The following STK39 variants were observed in gnomAD, a reference collection of about 807,000 sequenced individuals.
The protein encoded by STK39 is serine/threonine kinase 39.
In STK39, 20 loss-of-function variants were observed where a neutral mutation model predicts 77.8. The observed-to-expected ratio is 0.26, with a 90% CI of 0.18 to 0.37. The LOEUF (loss-of-function observed/expected upper bound fraction) is 0.37, where lower values mean the gene tolerates loss of function less well. STK39 is among the 10% of genes least tolerant of loss of function. The pLI is 1.00. For missense variants in STK39, 479 were observed against 656.5 expected (o/e 0.73, Z 2.95); for synonymous variants, 246 against 234.1 (o/e 1.05, Z -0.47).
chr2:168,243,481 A>C (rs1367440854), intron 1 of STK39, among the ~76,000 whole-genome samples: 1 of 152,232 alleles, frequency 6.6e-6, no homozygotes, highest in Non-Finnish European at 1.5e-5. Context: ...TGTTACTTTT[A>C]GGTCATTCTA....
At chr2:168,155,568 C>T (rs1313952813) in intron 5 of STK39, among the ~76,000 whole-genome samples, 2 of 151,878 alleles carry the variant, frequency 1.3e-5, no homozygotes, top group Non-Finnish European at 2.9e-5. Context: ...TGCACCCCCC[C>T]CACCCCAACA....
At chr2:168,095,021 T>C (rs759320575) in intron 10 of STK39, among the ~76,000 whole-genome samples, 2 of 152,202 alleles carry the variant, frequency 1.3e-5, no homozygotes, top group Non-Finnish European at 2.9e-5. Flanking sequence ...AGCACTTCAA[T>C]GTCACTTGTC....
At chr2:168,084,849 A>G (rs1333948500) in intron 10 of STK39, among the ~76,000 whole-genome samples, 2 of 152,236 alleles carry the variant, frequency 1.3e-5, no homozygotes, top group South Asian at 2.1e-4. Flanking sequence ...ACAACCTTTT[A>G]AGAATTCAGA....
chr2:167,965,484 G>T (rs561545631), intron 16 of STK39, among the ~76,000 whole-genome samples: 1 of 152,316 alleles, frequency 6.6e-6, no homozygotes, highest in African/African-American at 2.4e-5. Flanking sequence ...CTCCAGTAGA[G>T]AAGTCAGTTT....
At chr2:168,124,827 G>C (rs1687498736) in intron 10 of STK39, among the ~76,000 whole-genome samples, 1 of 152,108 alleles carries the variant, frequency 6.6e-6, no homozygotes, top group Admixed American at 6.6e-5. Context: ...TCCTGTAGAA[G>C]ATGCACACAG....
chr2:168,078,337 T>G (rs1686132629), intron 10 of STK39, among the ~76,000 whole-genome samples: 1 of 152,132 alleles, frequency 6.6e-6, no homozygotes. Context: ...GCATGGTTCC[T>G]GGCCAGTGCT....
At chr2:168,204,519 A>T (rs544428341) in intron 1 of STK39, among the ~76,000 whole-genome samples, 1 of 152,358 alleles carries the variant, frequency 6.6e-6, no homozygotes, top group South Asian at 2.1e-4. Context: ...GATCCACAGG[A>T]CATTTAGGAC....
chr2:167,958,092 T>C (rs1479858900), intron 17 of STK39, among the ~76,000 whole-genome samples: 2 of 152,192 alleles, frequency 1.3e-5, no homozygotes, highest in Non-Finnish European at 2.9e-5. Context: ...ACTCTGAAAT[T>C]CAGAGAAAGG....
At chr2:168,083,323 A>C (rs1686287965) in intron 10 of STK39, among the ~76,000 whole-genome samples, 1 of 151,346 alleles carries the variant, frequency 6.6e-6, no homozygotes, top group Non-Finnish European at 1.5e-5. Flanking sequence ...TACACTGGAC[A>C]TATAACATAT....
At chr2:168,142,211 A>G (rs1330936183) in intron 5 of STK39, among the ~76,000 whole-genome samples, 1 of 152,232 alleles carries the variant, frequency 6.6e-6, no homozygotes, top group Non-Finnish European at 1.5e-5. Flanking sequence ...GGGTGGGAGA[A>G]GATACAATTC....
At chr2:168,005,374 A>G (rs1293248575) in intron 16 of STK39, among the ~76,000 whole-genome samples, 2 of 151,516 alleles carry the variant, frequency 1.3e-5, no homozygotes, top group Non-Finnish European at 2.9e-5. Flanking sequence ...TGACAATTCT[A>G]TTTCTGAGAG....
At chr2:168,063,783 T>A (rs1037109264) in intron 13 of STK39, among the ~76,000 whole-genome samples, 1 of 152,202 alleles carries the variant, frequency 6.6e-6, no homozygotes, top group Non-Finnish European at 1.5e-5. Flanking sequence ...GAATGTTTCA[T>A]ATGGAAAGCC....
At chr2:168,115,820 G>C (rs1687244105) in intron 10 of STK39, among the ~76,000 whole-genome samples, 1 of 152,160 alleles carries the variant, frequency 6.6e-6, no homozygotes, top group Admixed American at 6.5e-5. Context: ...CATGGACAAG[G>C]GCTATGGGCA....
intron 2 of STK39, among the ~76,000 whole-genome samples, chr2:168,181,346 G>C (rs1373283522): frequency 6.6e-6 from 1 of 152,114 alleles, no homozygotes; most frequent in Non-Finnish European, 1.5e-5. Flanking sequence ...TAATGAGTCA[G>C]CTAAGCCAAA....
At chr2:168,005,071 T>C (rs1684095952) in intron 16 of STK39, among the ~76,000 whole-genome samples, 1 of 142,444 alleles carries the variant, frequency 7.0e-6, no homozygotes, top group Admixed American at 7.6e-5. Flanking sequence ...AGCGGCGCGA[T>C]CTCAGCTCAC....
intron 16 of STK39, among the ~76,000 whole-genome samples, chr2:168,011,673 G>GT (rs1013942169): frequency 5.3e-4 from 80 of 152,200 alleles, no homozygotes; most frequent in African/African-American, 1.8e-3. Context: ...TCTATGGGTG[G>GT]TTGCTTGCTC....
At chr2:168,080,209 T>C (rs1434381950) in intron 10 of STK39, among the ~76,000 whole-genome samples, 3 of 152,264 alleles carry the variant, frequency 2.0e-5, no homozygotes, top group African/African-American at 4.8e-5. Flanking sequence ...ATTTAGGGTA[T>C]TTGGTGGAAG....
rs181016264 is a variant in STK39 at position 168,000,942 on chromosome 2, A to G, written c.1498+11692T>C. The stretch of plus-strand genomic sequence containing the variant: ...CTCTCATCGCTGACCAAATTCTACA[A>G]GGATAAAGATTAAGGCATTAAATCC... On this transcript the variant is annotated intron_variant, in intron 16 of 17. Transcript: ENST00000355999. Among the ~76,000 whole-genome samples the G allele has an allele frequency of 2.8e-3, 426 of 152,332 alleles. 1 individual carries two copies. The highest frequency in any genetic ancestry group is 4.5e-3 in the Non-Finnish European group (304 of 68,030).
At chr2:168,009,050 G>T (rs1265325776) in intron 16 of STK39, among the ~76,000 whole-genome samples, 1 of 152,146 alleles carries the variant, frequency 6.6e-6, no homozygotes, top group Non-Finnish European at 1.5e-5. Context: ...AACAATTTGA[G>T]TGGAGTAGGA....
Sources: gnomAD v4.1 joint callset for allele counts (sites outside exome capture counted in the v4.1 genomes callset) on GRCh38, gnomAD v4.1.1 for gene constraint, MANE v1.5 for transcripts, NCBI Gene and HGNC (gene_info 2026-07-23, HGNC 2026-07-21) for gene names.